RSAD2: variants seen among roughly 807,000 people sequenced by gnomAD.
RSAD2 encodes radical S-adenosyl methionine domain containing 2.
RSAD2 carries 38 observed loss-of-function variants against 37.7 expected under a neutral mutation model. The observed-to-expected ratio is 1.01, with a 90% confidence interval of 0.78 to 1.32. The LOEUF (loss-of-function observed/expected upper bound fraction) is 1.32, where lower values mean the gene tolerates loss of function less well. Among genes scored for constraint, RSAD2 ranks in the 40% most tolerant of loss-of-function variants. RSAD2 has a pLI of 0.00. For synonymous variants in RSAD2, 163 were observed against 157.4 expected, an observed-to-expected ratio of 1.04 and a Z score of -0.27; for missense variants, 428 against 437.5, an observed-to-expected ratio of 0.98 and a Z score of 0.19.
intron 1 of RSAD2, among the ~76,000 whole-genome samples, chr2:6,882,801 A>G (rs989230356): frequency 6.6e-5 from 10 of 152,238 alleles, no homozygotes; most frequent in African/African-American, 2.2e-4. Context: ...CCTCTGAACA[A>G]CAGCATTTAA....
intron 4 of RSAD2, among the ~76,000 whole-genome samples, chr2:6,892,518 A>G (rs1406035184): frequency 6.6e-6 from 1 of 152,182 alleles, no homozygotes; most frequent in East Asian, 1.9e-4. Flanking sequence ...AGGTTGTATC[A>G]TCCCCATTGT....
intron 1 of RSAD2, among the ~76,000 whole-genome samples, chr2:6,879,503 G>A (rs1313379902): frequency 6.6e-6 from 1 of 151,914 alleles, no homozygotes. Flanking sequence ...TCATATTGTT[G>A]TCTCTTCCTA....
rs10495546 is a variant in RSAD2 at position 6,896,625 on chromosome 2, T to C, written c.*683T>C. On this transcript the variant is annotated 3_prime_UTR_variant, in exon 6 of 6. Coordinates refer to ENST00000382040, the MANE Select transcript of RSAD2 (RefSeq NM_080657.5). The stretch of plus-strand genomic sequence containing the variant: ...CAGATGTTTCCAAGAACATATGATA[T>C]GATAATCCTACCAATTTTCAAGAAG... The C allele has an allele frequency of 0.089, 13,572 of 152,064 alleles. 659 individuals carry two copies. The highest frequency in any genetic ancestry group is 0.12 in the South Asian group (575 of 4,822). 9.4% of individuals were successfully genotyped at this position (152,064 alleles called of 1,614,324 possible).
chr2:6,893,513 A>C (rs774342962), intron 4 of RSAD2, among the ~76,000 whole-genome samples, 158 bp from the exon 5 acceptor site: 7 of 152,250 alleles, frequency 4.6e-5, no homozygotes, highest in Non-Finnish European at 8.8e-5. Flanking sequence ...GCACACAAAC[A>C]GAGCCTTGTC....
Position 6,897,141 on chromosome 2 carries a change from A to T in RSAD2, c.*1199A>T, listed in dbSNP as rs1663793813. The T allele has an allele frequency of 6.6e-6, 1 of 152,192 alleles. No individual in the cohort carries two copies. Among genetic ancestry groups the T allele is most frequent in the African/African-American group, 2.4e-5 (1 of 41,448 alleles). 9.4% of individuals were successfully genotyped at this position (152,192 alleles called of 1,614,324 possible). On this transcript the variant is annotated 3_prime_UTR_variant, in exon 6 of 6. Coordinates refer to ENST00000382040, the MANE Select transcript of RSAD2 (RefSeq NM_080657.5). ...AGTCAGCTCAGAGAAAGCAAGCATA[A>T]GGGAAAATGTCACGTAAACTAGATC...
intron 1 of RSAD2, chr2:6,866,330 G>A (rs1019095932): frequency 3.1e-6 from 2 of 649,780 alleles, no homozygotes; most frequent in African/African-American, 3.9e-5. Context: ...CTTTCCTGCG[G>A]GAACAGGGCG....
At chr2:6,885,955 TG>T (rs934842872) in intron 2 of RSAD2, among the ~76,000 whole-genome samples, 12 of 152,220 alleles carry the variant, frequency 7.9e-5, no homozygotes, top group Non-Finnish European at 8.8e-5. Flanking sequence ...TGAGGGCGTA[TG>T]TTACATACGG....
intron 1 of RSAD2, among the ~76,000 whole-genome samples, chr2:6,868,518 G>T (rs1220158633): frequency 6.6e-6 from 1 of 152,166 alleles, no homozygotes; most frequent in African/African-American, 2.4e-5. Context: ...AGGATAGAAT[G>T]TTGAGTCTAT....
intron 4 of RSAD2, 36 bp from the exon 5 acceptor site, chr2:6,893,635 C>T (rs1663675395): frequency 6.3e-7 from 1 of 1,577,006 alleles, no homozygotes; most frequent in Admixed American, 1.7e-5. Context: ...GAGAAATGCA[C>T]CTGAAACTAA....
At chr2:6,871,674 A>G (rs1663206856) in intron 1 of RSAD2, among the ~76,000 whole-genome samples, 1 of 152,244 alleles carries the variant, frequency 6.6e-6, no homozygotes, top group Admixed American at 6.5e-5. Flanking sequence ...AAAAGCTAAA[A>G]GATCATTACT....
chr2:6,890,366 T>A (rs372822230), intron 4 of RSAD2, 41 bp downstream of exon 4: 8 of 1,599,216 alleles, frequency 5.0e-6, no homozygotes, highest in Non-Finnish European at 6.8e-6. Context: ...CATCATACAT[T>A]CAGATTGATT....
Position 6,887,010 on chromosome 2 carries a change from A to G in RSAD2, c.584A>G (p.Gln195Arg). ...EEVNVLIGRG[Q>R]GKKNHVENLQ... ...GTCAATGTCCTTATTGGCCGTGGCC[A>G]AGGAAAGAAGAACCATGTGGAAAAC... The change falls in exon 3 of 6, where the codon CAA becomes CGA. Residue 195 changes from glutamine to arginine, a missense_variant. Gln to Arg is a conservative substitution (Grantham distance 43). Transcript: ENST00000382040. 2 of 1,614,228 alleles carry G rather than the reference A, an allele frequency of 1.2e-6. No individual in the cohort carries two copies. Among genetic ancestry groups the G allele is most frequent in the East Asian group, 2.2e-5 (1 of 44,884 alleles).
At position 6,868,809 on chromosome 2, in the gene RSAD2, A is replaced by G. The variant is rs192902481; in HGVS notation, c.142+2764A>G. On this transcript the variant is annotated intron_variant, in intron 1 of 5. Transcript: ENST00000442639. ...ACAGGTCCAGCTGCTCACCCCTTGC[A>G]TATCTCCACAGGAGCCTCAAACCAT... is the stretch of plus-strand genomic sequence containing the variant. Among the ~76,000 whole-genome samples the G allele has an allele frequency of 2.4e-4, 36 of 152,336 alleles. No individual in the cohort carries two copies. The East Asian group carries it at 4.6e-3, about 20-fold the overall frequency.
chr2:6,877,334 A>C (rs1663302480), upstream of RSAD2: 1 of 163,898 alleles, frequency 6.1e-6, no homozygotes, highest in South Asian at 1.6e-4. Flanking sequence ...TCCACCAGCC[A>C]ATCAGTCTGT....
intron 3 of RSAD2, among the ~76,000 whole-genome samples, chr2:6,889,328 T>C (rs1000810546): frequency 4.6e-5 from 7 of 152,006 alleles, no homozygotes; most frequent in Non-Finnish European, 1.0e-4. Context: ...AAAATTATCC[T>C]ATGACCAGGG....
At chr2:6,868,849 C>A (rs1360572580) in intron 1 of RSAD2, among the ~76,000 whole-genome samples, 2 of 152,162 alleles carry the variant, frequency 1.3e-5, no homozygotes, top group Non-Finnish European at 2.9e-5. Context: ...GCTGTTGGGC[C>A]AAACTTTGGA....
chr2:6,871,380 A>G (rs983699378), intron 1 of RSAD2, among the ~76,000 whole-genome samples: 2 of 152,126 alleles, frequency 1.3e-5, no homozygotes, highest in African/African-American at 4.8e-5. Context: ...CTCTAGACTC[A>G]TCTGTGTGTT....
chr2:6,867,828 C>T (rs975933238), intron 1 of RSAD2, among the ~76,000 whole-genome samples: 2 of 152,220 alleles, frequency 1.3e-5, no homozygotes, highest in Non-Finnish European at 2.9e-5. Flanking sequence ...CACCTACCTT[C>T]GCCCTACGAA....
At chr2:6,875,371 G>A (rs1441744483), upstream of RSAD2, among the ~76,000 whole-genome samples, 1 of 152,130 alleles carries the variant, frequency 6.6e-6, no homozygotes, top group Non-Finnish European at 1.5e-5. Flanking sequence ...GGGGAATTAG[G>A]TATTAAGATT....
Sources: gnomAD v4.1 joint callset for allele counts (sites outside exome capture counted in the v4.1 genomes callset) on GRCh38, gnomAD v4.1.1 for gene constraint, MANE v1.5 for transcripts, NCBI Gene and HGNC (gene_info 2026-07-23, HGNC 2026-07-21) for gene names.